The following CARMIL1 variants were observed in gnomAD, a reference collection of about 807,000 sequenced individuals.
CARMIL1 encodes the protein F-actin-uncapping protein LRRC16A.
Under a neutral mutation model 177.1 loss-of-function variants are expected in CARMIL1, and 90 were observed. The ratio of observed to expected loss-of-function variants is 0.51; its 90% confidence interval spans 0.43 to 0.61. CARMIL1 has a LOEUF of 0.61. Among genes scored for constraint, CARMIL1 ranks in the 20% least tolerant of loss-of-function variants. CARMIL1 has a pLI of 0.00. For synonymous variants in CARMIL1, 577 were observed against 606.2 expected, an observed-to-expected ratio of 0.95 and a Z score of 0.71; for missense variants, 1,380 against 1,667.0, an observed-to-expected ratio of 0.83 and a Z score of 3.00.
rs79122060 is a variant in CARMIL1, at chr6:25,443,412, T to G, written c.372-6486T>G. Among the ~76,000 whole-genome samples, 284 of 152,342 alleles carry G rather than the reference T, an allele frequency of 1.9e-3. 3 individuals carry two copies. The East Asian group carries it at 0.02, about 11-fold the overall frequency. On this transcript the variant is annotated intron_variant, in intron 5 of 36. Coordinates refer to ENST00000329474, the MANE Select transcript of CARMIL1 (RefSeq NM_017640.6). ...AATGGTTCTTAATTACAGGTTCCTT[T>G]GGGTAAAATAGACAAAAATCATGCT...
chr6:25,386,850 G>A (rs927931474), intron 2 of CARMIL1, among the ~76,000 whole-genome samples: 2 of 151,964 alleles, frequency 1.3e-5, no homozygotes, highest in Admixed American at 6.6e-5. Flanking sequence ...TCATGAGGCC[G>A]GCTGTGGTGG....
At chr6:25,328,647 T>C (rs76735977) in intron 2 of CARMIL1, among the ~76,000 whole-genome samples, 8,077 of 152,306 alleles carry the variant, frequency 0.053, 318 homozygotes, top group Non-Finnish European at 0.089. Flanking sequence ...GAACGTCATC[T>C]CTTTCTCTTC....
chr6:25,385,088 A>G (rs1792016123), intron 2 of CARMIL1, among the ~76,000 whole-genome samples: 1 of 152,230 alleles, frequency 6.6e-6, no homozygotes, highest in Non-Finnish European at 1.5e-5. Context: ...GTTGGACATT[A>G]AAACAGATAG....
chr6:25,477,552 G>T (rs944161545), intron 11 of CARMIL1, among the ~76,000 whole-genome samples: 18 of 152,024 alleles, frequency 1.2e-4, no homozygotes, highest in Non-Finnish European at 2.2e-4. Flanking sequence ...ATCTAACACA[G>T]TGTTTTTTTG....
rs756468794 is a variant in CARMIL1 at position 25,528,849 on chromosome 6, GCCTACCGCCTGCAGCAGGGTATTGTCA to G, written c.2026_2052del (p.Tyr676_Thr684del). 6.2e-7 allele frequency: 1 copy of G among 1,610,368 alleles called. No individual in the cohort carries two copies. Among genetic ancestry groups the G allele is most frequent in the Non-Finnish European group, 8.5e-7 (1 of 1,178,316 alleles). ...GACTAGAAAATACCTTCAAGAGCAG[GCCTACCGCCTGCAGCAGGGTATTGTCA>G]CCAGCACCACCCAGCAGGTAAGCGA... On this transcript the variant is annotated inframe_deletion, in exon 24 of 37. Transcript: ENST00000329474.
intron 26 of CARMIL1, among the ~76,000 whole-genome samples, chr6:25,544,152 G>A (rs548050516): frequency 7.7e-4 from 117 of 152,176 alleles, no homozygotes; most frequent in South Asian, 2.3e-3. Flanking sequence ...ACCTAATTTA[G>A]ATTTTCCCCC....
chr6:25,427,956 A>G (rs1391788465), intron 4 of CARMIL1, among the ~76,000 whole-genome samples: 1 of 152,200 alleles, frequency 6.6e-6, no homozygotes, highest in Non-Finnish European at 1.5e-5. Context: ...ATTTTCTCTC[A>G]GTCTGGTGGC....
intron 20 of CARMIL1, among the ~76,000 whole-genome samples, chr6:25,512,166 G>A (rs1805517117): frequency 6.6e-6 from 1 of 151,932 alleles, no homozygotes; most frequent in Non-Finnish European, 1.5e-5. Flanking sequence ...CATACTTTAG[G>A]AAAATTTGTA....
At chr6:25,329,327 C>G (rs1158179554) in intron 2 of CARMIL1, among the ~76,000 whole-genome samples, 1 of 152,154 alleles carries the variant, frequency 6.6e-6, no homozygotes, top group African/African-American at 2.4e-5. Context: ...CAGTGGCAAG[C>G]TCTTTTCAGC....
At chr6:25,345,040 TC>T (rs1404574026) in intron 2 of CARMIL1, among the ~76,000 whole-genome samples, 1 of 152,104 alleles carries the variant, frequency 6.6e-6, no homozygotes. Context: ...GTCTAACATC[TC>T]CCCTCCCATT....
chr6:25,563,248 C>T (rs1040584364), intron 29 of CARMIL1: 35 of 985,268 alleles, frequency 3.6e-5, no homozygotes, highest in Non-Finnish European at 4.0e-5. Context: ...GCATCAACGA[C>T]GTTTCGTTTA....
At chr6:25,437,588 A>G (rs537334852) in intron 5 of CARMIL1, among the ~76,000 whole-genome samples, 2 of 152,308 alleles carry the variant, frequency 1.3e-5, no homozygotes, top group African/African-American at 4.8e-5. Flanking sequence ...CCCACCTACC[A>G]GCTGCCCAAT....
intron 12 of CARMIL1, among the ~76,000 whole-genome samples, chr6:25,485,610 T>C (rs9379770): frequency 2.0e-5 from 3 of 151,870 alleles, no homozygotes; most frequent in Non-Finnish European, 4.4e-5. Flanking sequence ...AATTTTTGTA[T>C]TTTTAGTAGA....
intron 2 of CARMIL1, among the ~76,000 whole-genome samples, chr6:25,384,857 G>A (rs1791990145): frequency 6.6e-6 from 1 of 152,054 alleles, no homozygotes; most frequent in Admixed American, 6.5e-5. Context: ...TTTCCTCTCG[G>A]CAAGCCTAAC....
chr6:25,501,001 A>T (rs945451486), intron 17 of CARMIL1, among the ~76,000 whole-genome samples: 4 of 151,862 alleles, frequency 2.6e-5, no homozygotes, highest in African/African-American at 9.7e-5. Context: ...TGACCTCATG[A>T]TCCACCCGCC....
intron 8 of CARMIL1, among the ~76,000 whole-genome samples, chr6:25,456,560 T>C (rs1284254611): frequency 6.6e-6 from 1 of 152,226 alleles, no homozygotes; most frequent in Admixed American, 6.5e-5. Flanking sequence ...AAGGCATAGA[T>C]TGAAAATTTG....
At chr6:25,444,416 G>A (rs945695951) in intron 5 of CARMIL1, among the ~76,000 whole-genome samples, 1 of 150,984 alleles carries the variant, frequency 6.6e-6, no homozygotes, top group Non-Finnish European at 1.5e-5. Context: ...GGGTACATGT[G>A]CACAACATGC....
At chr6:25,445,602 T>A (rs1798156739) in intron 5 of CARMIL1, among the ~76,000 whole-genome samples, 1 of 151,344 alleles carries the variant, frequency 6.6e-6, no homozygotes, top group Admixed American at 6.6e-5. Flanking sequence ...TGGCGTGATC[T>A]CGGCTCACTG....
intron 2 of CARMIL1, among the ~76,000 whole-genome samples, chr6:25,339,725 G>C (rs558813693): frequency 6.6e-6 from 1 of 152,316 alleles, no homozygotes; most frequent in African/African-American, 2.4e-5. Flanking sequence ...GGATAGTGGT[G>C]TAGATGCAGG....
Sources: allele counts gnomAD v4.1 joint callset (sites outside exome capture counted in the v4.1 genomes callset), GRCh38; gene constraint gnomAD v4.1.1; transcripts MANE v1.5; gene names NCBI Gene and HGNC (gene_info 2026-07-23, HGNC 2026-07-21).